Variants in COL19A1 observed in about 807,000 individuals in gnomAD.
The protein encoded by COL19A1 is collagen type XIX alpha 1 chain.
COL19A1 carries 159 observed loss-of-function variants against 190.2 expected under a neutral mutation model. The ratio of observed to expected loss-of-function variants is 0.84; its 90% CI spans 0.73 to 0.95. The LOEUF (loss-of-function observed/expected upper bound fraction) is 0.95. COL19A1 is among the 40% of genes least tolerant of loss of function. The pLI is 0.00. For synonymous variants in COL19A1, 509 were observed against 458.9 expected (o/e 1.11, Z -1.39); for missense variants, 1,418 against 1,431.9 (o/e 0.99, Z 0.16).
intron 11 of COL19A1, among the ~76,000 whole-genome samples, chr6:70,017,470 T>C (rs898605214): frequency 2.0e-5 from 3 of 152,158 alleles, no homozygotes; most frequent in Non-Finnish European, 4.4e-5. Flanking sequence ...GTATCAGTAT[T>C]ATGGCAAGTA....
At chr6:70,110,422 A>T (rs537153009) in intron 16 of COL19A1, among the ~76,000 whole-genome samples, 3 of 152,284 alleles carry the variant, frequency 2.0e-5, no homozygotes, top group South Asian at 4.2e-4. Flanking sequence ...GGGAATAGGA[A>T]TTTCATTTCT....
chr6:70,129,608 A>G (rs1290499228), intron 17 of COL19A1, among the ~76,000 whole-genome samples: 1 of 152,244 alleles, frequency 6.6e-6, no homozygotes, highest in Non-Finnish European at 1.5e-5. Context: ...CCCAGCTCTT[A>G]CGGAGGCAGA....
rs143550298 is a variant in COL19A1, at chr6:69,921,194, A to G, written c.267-6715A>G. Among the ~76,000 whole-genome samples the G allele has an allele frequency of 3.4e-3, 452 of 131,354 alleles. 7 individuals are homozygous for G. The highest frequency in any genetic ancestry group is 4.6e-3 in the Non-Finnish European group (298 of 65,136). 86.2% of individuals were successfully genotyped at this position (131,354 alleles called of 152,430 possible). On this transcript the variant is annotated intron_variant, in intron 4 of 50. Coordinates refer to ENST00000620364, the MANE Select transcript of COL19A1 (RefSeq NM_001858.6). ...ATACGTATCACATATATTCATATAT[A>G]TATCACATATATTCATATATAATAT...
intron 14 of COL19A1, chr6:70,059,931 A>T (rs1332468805): frequency 2.7e-5 from 9 of 338,918 alleles, no homozygotes; most frequent in South Asian, 2.2e-4. Flanking sequence ...GAAGAAGAAA[A>T]AAAATCCACA....
intron 9 of COL19A1, 70 bp downstream of exon 9, chr6:69,938,170 C>A: frequency 7.1e-7 from 1 of 1,404,946 alleles, no homozygotes; most frequent in South Asian, 1.2e-5. Flanking sequence ...ATGTGTTCAT[C>A]TCATTTTTCT....
intron 12 of COL19A1, among the ~76,000 whole-genome samples, chr6:70,023,963 T>C (rs2150106424): frequency 6.6e-6 from 1 of 152,334 alleles, no homozygotes; most frequent in East Asian, 1.9e-4. Context: ...TCTTTTTTCA[T>C]CTTACATATC....
chr6:69,929,832 G>C, intron 6 of COL19A1, 132 bp downstream of exon 6: 1 of 819,250 alleles, frequency 1.2e-6, no homozygotes, highest in East Asian at 2.9e-5. Context: ...TAATTAATTT[G>C]CCGTCAGATG....
chr6:69,952,293 G>A (rs1004190993), intron 9 of COL19A1, among the ~76,000 whole-genome samples: 2 of 151,748 alleles, frequency 1.3e-5, no homozygotes, highest in South Asian at 2.1e-4. Context: ...AACATTCCGC[G>A]CTTGACTCTC....
chr6:70,035,673 C>A (rs925342828), intron 13 of COL19A1, among the ~76,000 whole-genome samples: 3 of 152,110 alleles, frequency 2.0e-5, no homozygotes, highest in Admixed American at 2.0e-4. Context: ...GCTTTCAAAA[C>A]AAGTCCTGCT....
At chr6:69,933,693 C>T (rs753909563) in intron 7 of COL19A1, among the ~76,000 whole-genome samples, 1 of 151,862 alleles carries the variant, frequency 6.6e-6, no homozygotes, top group Non-Finnish European at 1.5e-5. Context: ...GTGTAATGGC[C>T]GTGTGTGCTA....
At chr6:70,075,690 C>T (rs1462854973) in intron 15 of COL19A1, among the ~76,000 whole-genome samples, 1 of 151,830 alleles carries the variant, frequency 6.6e-6, no homozygotes, top group Non-Finnish European at 1.5e-5. Flanking sequence ...GTGCCTGTGT[C>T]TCCTTGTGGT....
chr6:69,905,214 T>C lies in COL19A1; in HGVS notation c.266+4876T>C, dbSNP rs549292146. 3.9e-5 allele frequency among the ~76,000 whole-genome samples: 6 copies of C among 152,292 alleles called. No individual in the cohort carries two copies. The South Asian group carries it at 1.2e-3, about 32-fold the overall frequency. Reference sequence around the variant, plus strand: ...TATGCTGGGGTCAGGTTCCAGCTCATGCTGAGATCTGAAGGGAGTGGGTGG... The same window carrying C: ...TATGCTGGGGTCAGGTTCCAGCTCACGCTGAGATCTGAAGGGAGTGGGTGG... On this transcript the variant is annotated intron_variant, in intron 4 of 50. Transcript: ENST00000620364.
chr6:70,063,121 C>A (rs1359251273), intron 14 of COL19A1, among the ~76,000 whole-genome samples: 1 of 152,074 alleles, frequency 6.6e-6, no homozygotes, highest in Admixed American at 6.6e-5. Flanking sequence ...CAGCTCTGCA[C>A]CAAGCAGACC....
intron 11 of COL19A1, among the ~76,000 whole-genome samples, chr6:70,010,251 G>C (rs1375162457): frequency 3.9e-5 from 6 of 152,062 alleles, no homozygotes; most frequent in Non-Finnish European, 8.8e-5. Flanking sequence ...GATTGTAATA[G>C]CACTCCACAC....
rs574391549 is a variant in COL19A1 at position 69,983,364 on chromosome 6, C to T, written c.1026+20494C>T. ...TTGTTTATTGACCTGTGTCTGGCCA[C>T]CTTGCTTTATTAACTAATTAATTCT... On this transcript the variant is annotated intron_variant, in intron 11 of 50. Coordinates refer to ENST00000620364, the MANE Select transcript of COL19A1 (RefSeq NM_001858.6). 5.3e-5 allele frequency among the ~76,000 whole-genome samples: 8 copies of T among 152,224 alleles called. No individual in the cohort carries two copies. In the South Asian group the frequency reaches 1.2e-3, roughly 24 times the overall value.
chr6:70,150,196 A>G (rs1786961936), intron 30 of COL19A1, 151 bp downstream of exon 30: 1 of 775,976 alleles, frequency 1.3e-6, no homozygotes, highest in East Asian at 2.6e-5. Flanking sequence ...CGAGTGAAAA[A>G]AAATTCAGGC....
chr6:70,101,098 A>T (rs1030067285), intron 15 of COL19A1, among the ~76,000 whole-genome samples: 1 of 152,170 alleles, frequency 6.6e-6, no homozygotes. Context: ...CTGTGCCTAC[A>T]CTTATAATTC....
intron 4 of COL19A1, among the ~76,000 whole-genome samples, chr6:69,922,893 G>T (rs995657249): frequency 3.9e-5 from 6 of 152,118 alleles, no homozygotes. Context: ...GCCCTGTTGG[G>T]ACTGCACTTA....
chr6:70,156,403 G>T (rs541553561), intron 33 of COL19A1, 34 bp downstream of exon 33: 1 of 1,603,324 alleles, frequency 6.2e-7, no homozygotes, highest in East Asian at 2.2e-5. Context: ...TCCCCTGTGG[G>T]AACCTCAATT....
Sources: gnomAD v4.1 joint callset for allele counts (sites outside exome capture counted in the v4.1 genomes callset) on GRCh38, gnomAD v4.1.1 for gene constraint, MANE v1.5 for transcripts, NCBI Gene and HGNC (gene_info 2026-07-23, HGNC 2026-07-21) for gene names.